The following ACTR3C variants were observed in gnomAD, a reference collection of about 807,000 sequenced individuals.
ACTR3C encodes actin related protein 3C.
ACTR3C carries 18 observed loss-of-function variants against 26.3 expected under a neutral mutation model. The ratio of observed to expected loss-of-function variants is 0.68; its 90% confidence interval spans 0.47 to 1.01. The LOEUF (loss-of-function observed/expected upper bound fraction) is 1.01. Among genes scored for constraint, ACTR3C ranks in the 50% least tolerant of loss-of-function variants. ACTR3C has a pLI of 0.00. For missense variants in ACTR3C, 184 were observed against 250.7 expected (o/e 0.73, Z 1.80); for synonymous variants, 55 against 94.5 (o/e 0.58, Z 2.42).
chr7:150,274,291 C>G lies in ACTR3C; in HGVS notation c.564+10462G>C, dbSNP rs1175886468. 6.6e-6 allele frequency among the ~76,000 whole-genome samples: 1 copy of G among 152,168 alleles called. No individual in the cohort carries two copies. The highest frequency in any genetic ancestry group is 1.9e-4 in the East Asian group (1 of 5,200). ...AAACGGCACCAAGCAGGTCTGTCAG[C>G]GCCATTTTCCCAAAAGCACACGCTC... is the stretch of plus-strand genomic sequence containing the variant. On this transcript the variant is annotated intron_variant, in intron 6 of 7. Transcript: ENST00000683684. This position sits in a 1 kb window ranked among gnomAD's most constrained non-coding sequence, Gnocchi z 4.1.
chr7:150,315,593 G>A (rs1044632861), intron 1 of ACTR3C, among the ~76,000 whole-genome samples: 14 of 152,118 alleles, frequency 9.2e-5, no homozygotes, highest in African/African-American at 3.4e-4. Context: ...GAATAGGAAG[G>A]ACATTCCTAT....
At chr7:150,265,470 G>A (rs1003642143) in intron 6 of ACTR3C, among the ~76,000 whole-genome samples, 1 of 152,010 alleles carries the variant, frequency 6.6e-6, no homozygotes, top group Non-Finnish European at 1.5e-5. Context: ...GAGGCAGGCG[G>A]ATCACCTGAG....
intron 6 of ACTR3C, among the ~76,000 whole-genome samples, chr7:150,282,491 C>T (rs549959800): frequency 6.9e-6 from 1 of 144,800 alleles, no homozygotes. Flanking sequence ...GCATGGCCAG[C>T]CCCAGGACAT....
chr7:150,168,906 C>T, the ACTR3C span, among the ~76,000 whole-genome samples: 1 of 150,880 alleles, frequency 6.6e-6, no homozygotes, highest in African/African-American at 2.5e-5. Context: ...GAACCAACAT[C>T]TCTTCTTTGT....
the ACTR3C span, among the ~76,000 whole-genome samples, chr7:150,161,222 A>ATT: frequency 1.4e-4 from 17 of 120,420 alleles, 1 homozygote; most frequent in East Asian, 2.5e-3. Flanking sequence ...ATATATATAT[A>ATT]TATTTATTAT....
chr7:149,989,208 T>C, the ACTR3C span, among the ~76,000 whole-genome samples: 4 of 151,598 alleles, frequency 2.6e-5, no homozygotes, highest in South Asian at 2.1e-4. Context: ...GGGTCCATCA[T>C]GATGTTTTGA....
chr7:150,223,009 T>C, the ACTR3C span, among the ~76,000 whole-genome samples: 1 of 152,256 alleles, frequency 6.6e-6, no homozygotes, highest in African/African-American at 2.4e-5. Context: ...CAGATCAGTT[T>C]TGACAGTTAT....
chr7:150,303,954 T>A (rs1437187832), intron 1 of ACTR3C, among the ~76,000 whole-genome samples: 1 of 152,184 alleles, frequency 6.6e-6, no homozygotes, highest in East Asian at 1.9e-4. Context: ...AAGTGAATAA[T>A]GACTATCATA....
At chr7:150,090,062 C>T in the ACTR3C span, among the ~76,000 whole-genome samples, 1 of 152,192 alleles carries the variant, frequency 6.6e-6, no homozygotes, top group African/African-American at 2.4e-5. Flanking sequence ...ATCAATGCCA[C>T]AGAAAGGTAG....
At chr7:150,036,946 G>A in the ACTR3C span, among the ~76,000 whole-genome samples, 1 of 98,870 alleles carries the variant, frequency 1.0e-5, no homozygotes, top group East Asian at 2.4e-4. Flanking sequence ...AAGAGCCAGT[G>A]GGGGAACCAG....
At chr7:150,084,975 T>C in the ACTR3C span, among the ~76,000 whole-genome samples, 1 of 152,150 alleles carries the variant, frequency 6.6e-6, no homozygotes, top group East Asian at 1.9e-4. Flanking sequence ...ATGGGATCGA[T>C]GAGGCTTGCT....
At chr7:149,892,006 A>C in the ACTR3C span, among the ~76,000 whole-genome samples, 1 of 129,784 alleles carries the variant, frequency 7.7e-6, no homozygotes, top group Non-Finnish European at 1.7e-5. Flanking sequence ...ACAATTTTCC[A>C]GGGGAGGGGA....
chr7:150,194,484 G>A, the ACTR3C span, among the ~76,000 whole-genome samples: 3 of 149,032 alleles, frequency 2.0e-5, no homozygotes, highest in Non-Finnish European at 3.0e-5. Flanking sequence ...TTCTCAAAAA[G>A]AGCTTATAGT....
chr7:150,114,001 C>T, the ACTR3C span, among the ~76,000 whole-genome samples: 1 of 152,136 alleles, frequency 6.6e-6, no homozygotes, highest in African/African-American at 2.4e-5. Flanking sequence ...ACATTTCTTG[C>T]TTCAAGAGTT....
the ACTR3C span, among the ~76,000 whole-genome samples, chr7:150,114,687 G>C: frequency 6.6e-6 from 1 of 152,202 alleles, no homozygotes; most frequent in Non-Finnish European, 1.5e-5. Context: ...CATCAGAAGG[G>C]ATGTAGGTCA....
At chr7:150,311,145 C>T (rs1319473484) in intron 1 of ACTR3C, among the ~76,000 whole-genome samples, 2 of 152,156 alleles carry the variant, frequency 1.3e-5, no homozygotes, top group Non-Finnish European at 2.9e-5. Flanking sequence ...TCCCATAGAC[C>T]CTAAGTCCTT....
chr7:149,990,947 T>C, the ACTR3C span, among the ~76,000 whole-genome samples: 2 of 152,194 alleles, frequency 1.3e-5, no homozygotes, highest in African/African-American at 4.8e-5. Flanking sequence ...GGCCATGCCC[T>C]GAAGAGCCTG....
chr7:150,048,426 G>C, the ACTR3C span, among the ~76,000 whole-genome samples: 1 of 152,092 alleles, frequency 6.6e-6, no homozygotes, highest in Non-Finnish European at 1.5e-5. Context: ...CGCACAAAAA[G>C]GGTGCGAGGG....
At chr7:150,146,380 T>TG in the ACTR3C span, among the ~76,000 whole-genome samples, 2 of 152,186 alleles carry the variant, frequency 1.3e-5, no homozygotes, top group Non-Finnish European at 2.9e-5. Context: ...CTCTCAGCTG[T>TG]AAGACAAAGA....
Sources: allele counts gnomAD v4.1 joint callset (sites outside exome capture counted in the v4.1 genomes callset), GRCh38; gene constraint gnomAD v4.1.1; non-coding constraint Gnocchi (gnomAD v3.1); transcripts MANE v1.5; gene names NCBI Gene and HGNC (gene_info 2026-07-23, HGNC 2026-07-21).